SMIM3: variants seen among roughly 807,000 people sequenced by gnomAD.
SMIM3 encodes NGF-induced differentiation clone 67 protein.
Under a neutral mutation model 2.1 loss-of-function variants are expected in SMIM3, and 4 were observed. The observed-to-expected ratio is 1.89, with a 90% CI of 0.93 to 4.31. The LOEUF is 4.31. Ranked by LOEUF, SMIM3 falls within the 30% of genes most tolerant of loss-of-function variation. The pLI is 0.01. For missense variants in SMIM3, 79 were observed against 77.7 expected (o/e 1.02, Z -0.06); for synonymous variants, 29 against 30.8 (o/e 0.94, Z 0.19).
chr5:150,786,216 T>A (rs1033446992), intron 1 of SMIM3, among the ~76,000 whole-genome samples: 13 of 152,218 alleles, frequency 8.5e-5, no homozygotes, highest in African/African-American at 3.1e-4. Context: ...ATCTACTGAA[T>A]TTTTAAGCCT....
intron 1 of SMIM3, among the ~76,000 whole-genome samples, chr5:150,794,215 A>G (rs1753378728): frequency 6.6e-6 from 1 of 152,322 alleles, no homozygotes; most frequent in South Asian, 2.1e-4. Flanking sequence ...ACACTTCTAC[A>G]CTGCTGGTGG....
intron 1 of SMIM3, among the ~76,000 whole-genome samples, chr5:150,783,989 G>C (rs556444642): frequency 6.7e-6 from 1 of 148,400 alleles, no homozygotes; most frequent in African/African-American, 2.5e-5. Context: ...TGTGATCTTG[G>C]CTAACTGCAA....
intron 1 of SMIM3, among the ~76,000 whole-genome samples, chr5:150,792,228 C>A (rs970652773): frequency 6.6e-6 from 1 of 152,166 alleles, no homozygotes; most frequent in Admixed American, 6.5e-5. Context: ...TTGCTTGGAA[C>A]CTAGAATCAC....
chr5:150,781,376 G>A (rs75990255), intron 1 of SMIM3, among the ~76,000 whole-genome samples: 3,733 of 152,296 alleles, frequency 0.025, 160 homozygotes, highest in African/African-American at 0.084. Context: ...AGATAATGGA[G>A]ACATCTAGCA....
chr5:150,789,696 T>C (rs1242728954), intron 1 of SMIM3, among the ~76,000 whole-genome samples: 4 of 152,200 alleles, frequency 2.6e-5, no homozygotes, highest in Non-Finnish European at 5.9e-5. Flanking sequence ...GGAAAAGTTT[T>C]TTCCAATTTT....
chr5:150,778,870 G>T lies in SMIM3; in HGVS notation c.-114G>T. 1 of 491,390 alleles carries T rather than the reference G, an allele frequency of 2.0e-6. No individual in the cohort carries two copies. The allele number at this position is 491,390 out of a possible 1,614,324, so 30.4% of individuals were successfully genotyped here. A position where few individuals can be genotyped will look rare whatever the true frequency, so the allele number is the denominator to read the frequency against. ...GCCTAGGGCTGAGGTTCCAGGCCTG[G>T]GGGTCGCTTCCAGCTGCCAGATCCC... On this transcript the variant is annotated 5_prime_UTR_variant, in exon 1 of 2. Coordinates refer to ENST00000526627, the MANE Select transcript of SMIM3 (RefSeq NM_032947.5).
At chr5:150,780,792 C>G (rs1405333951) in intron 1 of SMIM3, among the ~76,000 whole-genome samples, 1 of 152,124 alleles carries the variant, frequency 6.6e-6, no homozygotes, top group Non-Finnish European at 1.5e-5. Flanking sequence ...AAGGAAATAC[C>G]TCCAAGGAAA....
At position 150,796,278 on chromosome 5, in the gene SMIM3, A is replaced by G. The variant is rs1753408190; in HGVS notation, c.*655A>G. 1 of 152,916 alleles carries G rather than the reference A, an allele frequency of 6.5e-6. No homozygotes were observed. The highest frequency in any genetic ancestry group is 2.4e-5 in the African/African-American group (1 of 41,400). The allele number at this position is 152,916 out of a possible 1,614,324, so 9.5% of individuals were successfully genotyped here. On this transcript the variant is annotated 3_prime_UTR_variant, in exon 2 of 2. Coordinates refer to ENST00000526627, the MANE Select transcript of SMIM3 (RefSeq NM_032947.5). ...GGTGATGGGCTTCTTTCTGCACTGG[A>G]GTCTCACATCTGTTAGCTTTGACAC...
intron 1 of SMIM3, among the ~76,000 whole-genome samples, chr5:150,781,472 C>T (rs1351814482): frequency 1.3e-5 from 2 of 152,190 alleles, no homozygotes; most frequent in African/African-American, 2.4e-5. Context: ...AAGCTAGATT[C>T]CACGTCTAAA....
At chr5:150,793,638 G>T (rs181578029) in intron 1 of SMIM3, among the ~76,000 whole-genome samples, 21 of 152,236 alleles carry the variant, frequency 1.4e-4, no homozygotes, top group Admixed American at 9.8e-4. Flanking sequence ...AACGAAACTG[G>T]ATCCTCATCT....
In SMIM3 at chr5:150,796,674, T is replaced by A. The variant is rs1286218845; in HGVS notation, c.*1051T>A. ...GATATTATTGTGTGAAAATGCTGCTTTTACTTTGATGTGATCTCATTGATG... is the reference window on the plus strand; with the variant it reads ...GATATTATTGTGTGAAAATGCTGCTATTACTTTGATGTGATCTCATTGATG... On this transcript the variant is annotated 3_prime_UTR_variant, in exon 2 of 2. Coordinates refer to ENST00000526627, the MANE Select transcript of SMIM3 (RefSeq NM_032947.5). The A allele has an allele frequency of 1.3e-5, 2 of 152,388 alleles. No homozygotes were observed. Among genetic ancestry groups the A allele is most frequent in the Non-Finnish European group, 2.9e-5 (2 of 68,050 alleles). 9.4% of individuals were successfully genotyped at this position (152,388 alleles called of 1,614,324 possible).
chr5:150,787,252 C>G (rs553900238), intron 1 of SMIM3, among the ~76,000 whole-genome samples: 12 of 152,122 alleles, frequency 7.9e-5, no homozygotes, highest in Non-Finnish European at 1.6e-4. Flanking sequence ...TTTTCTCAAG[C>G]AATGAAGACT....
intron 1 of SMIM3, among the ~76,000 whole-genome samples, chr5:150,785,345 T>A (rs1753279921): frequency 6.6e-6 from 1 of 151,804 alleles, no homozygotes; most frequent in Admixed American, 6.6e-5. Flanking sequence ...CCTTGGCCTC[T>A]CAAAGTGCTG....
intron 1 of SMIM3, among the ~76,000 whole-genome samples, chr5:150,779,677 G>T (rs1002798014): frequency 7.9e-5 from 12 of 152,284 alleles, no homozygotes; most frequent in African/African-American, 2.9e-4. Context: ...GTTGCTGGTT[G>T]TTTTGCTCCC....
At chr5:150,790,964 CAAAA>C (rs955103390) in intron 1 of SMIM3, among the ~76,000 whole-genome samples, 61 of 149,074 alleles carry the variant, frequency 4.1e-4, no homozygotes, top group African/African-American at 1.2e-3. Flanking sequence ...AAGACAAAAA[CAAAA>C]AAAAAGCCTC....
intron 1 of SMIM3, among the ~76,000 whole-genome samples, chr5:150,779,829 A>AC (rs5872180): frequency 8.4e-4 from 93 of 111,086 alleles, no homozygotes; most frequent in African/African-American, 1.2e-3. Flanking sequence ...GAAAGGTGTA[A>AC]CCCCCCCCGC....
At chr5:150,790,174 C>T (rs1040358990) in intron 1 of SMIM3, among the ~76,000 whole-genome samples, 1 of 152,162 alleles carries the variant, frequency 6.6e-6, no homozygotes, top group Admixed American at 6.5e-5. Flanking sequence ...AAATGGCACT[C>T]ATTCTAGCTT....
intron 1 of SMIM3, among the ~76,000 whole-genome samples, chr5:150,780,087 G>A (rs1297623971): frequency 1.3e-5 from 2 of 152,212 alleles, no homozygotes; most frequent in Non-Finnish European, 2.9e-5. Flanking sequence ...GATGCGTGCT[G>A]CTACTGCAGT....
At position 150,778,860 on chromosome 5, in the gene SMIM3, T is replaced by C; in HGVS notation, c.-124T>C. 2.1e-6 allele frequency: 1 copy of C among 487,132 alleles called. No individual in the cohort carries two copies. Among genetic ancestry groups the C allele is most frequent in the Non-Finnish European group, 4.2e-6 (1 of 236,670 alleles). The allele number at this position is 487,132 out of a possible 1,614,324, so 30.2% of individuals were successfully genotyped here. On this transcript the variant is annotated 5_prime_UTR_variant, in exon 1 of 2. Transcript: ENST00000526627. Reference sequence around the variant, plus strand: ...TCCAGGAGCTGCCTAGGGCTGAGGTTCCAGGCCTGGGGGTCGCTTCCAGCT... The same window carrying C: ...TCCAGGAGCTGCCTAGGGCTGAGGTCCCAGGCCTGGGGGTCGCTTCCAGCT...
Sources: allele counts gnomAD v4.1 joint callset (sites outside exome capture counted in the v4.1 genomes callset), GRCh38; gene constraint gnomAD v4.1.1; transcripts MANE v1.5; gene names NCBI Gene and HGNC (gene_info 2026-07-23, HGNC 2026-07-21).